METTL15: variants seen among roughly 807,000 people sequenced by gnomAD.
The protein encoded by METTL15 is methyltransferase 15, mitochondrial 12S rRNA N4-cytidine.
METTL15 carries 34 observed loss-of-function variants against 38.3 expected under a neutral mutation model. That is an observed-to-expected ratio of 0.89 (90% confidence interval 0.68 to 1.18). The LOEUF is 1.18. Ranked by LOEUF, METTL15 falls within the 50% of genes most tolerant of loss-of-function variation. The pLI, the probability that METTL15 is intolerant of heterozygous loss-of-function variation, is 0.00. For missense variants in METTL15, 438 were observed against 498.4 expected, an observed-to-expected ratio of 0.88 and a Z score of 1.15; for synonymous variants, 162 against 170.9, an observed-to-expected ratio of 0.95 and a Z score of 0.41.
downstream of METTL15, among the ~76,000 whole-genome samples, chr11:28,338,030 C>T (rs555552012): frequency 2.0e-5 from 3 of 151,992 alleles, no homozygotes; most frequent in South Asian, 6.2e-4. Flanking sequence ...TTCCTTTATC[C>T]CTACTTTTTA....
At chr11:28,488,992 C>A (rs1335180351) in intron 6 of METTL15, among the ~76,000 whole-genome samples, 1 of 152,144 alleles carries the variant, frequency 6.6e-6, no homozygotes, top group African/African-American at 2.4e-5. Flanking sequence ...ACCCTCTCTT[C>A]TTTTACCTTA....
At chr11:28,113,258 C>T in intron 2 of METTL15, 60 bp from the exon 3 acceptor site, 1 of 1,155,008 alleles carries the variant, frequency 8.7e-7, no homozygotes, top group Non-Finnish European at 1.2e-6. Flanking sequence ...TGATTTTCCC[C>T]AAGTATTAGA....
chr11:28,169,707 C>T lies in METTL15; in HGVS notation c.271-41355C>T, dbSNP rs374056351. Reference sequence around the variant, plus strand: ...TTGTGAAACCTTATTTAGATAACTACGTTAATCATAAATCTATGGCTATGT... The same window carrying T: ...TTGTGAAACCTTATTTAGATAACTATGTTAATCATAAATCTATGGCTATGT... On this transcript the variant is annotated intron_variant, in intron 3 of 6. Transcript: ENST00000407364. 9.1e-4 allele frequency among the ~76,000 whole-genome samples: 138 copies of T among 152,080 alleles called. 1 individual carries two copies. The South Asian group carries it at 0.027, about 30-fold the overall frequency.
At chr11:28,341,215 T>C (rs1849949081) in intron 3 of METTL15, among the ~76,000 whole-genome samples, 1 of 152,072 alleles carries the variant, frequency 6.6e-6, no homozygotes, top group African/African-American at 2.4e-5. Context: ...GAAATACCTA[T>C]TGTAGATGAC....
In METTL15 at chr11:28,330,350, T is replaced by C. The variant is rs768258722; in HGVS notation, c.779-46T>C. 1.4e-5 allele frequency: 20 copies of C among 1,427,768 alleles called. No homozygotes were observed. In the South Asian group the frequency reaches 2.9e-4, roughly 20 times the overall value. 88.4% of individuals were successfully genotyped at this position (1,427,768 alleles called of 1,614,324 possible). ...TCATTAGATTTACAGTGAAAAATATTAATGTTACCGGTCTTCTTTTCCTAT... is the reference window on the plus strand; with the variant it reads ...TCATTAGATTTACAGTGAAAAATATCAATGTTACCGGTCTTCTTTTCCTAT... On this transcript the variant is annotated intron_variant, in intron 6 of 6. Transcript: ENST00000407364.
intron 3 of METTL15, among the ~76,000 whole-genome samples, chr11:28,167,362 T>C (rs968407898): frequency 4.6e-5 from 7 of 152,144 alleles, no homozygotes; most frequent in African/African-American, 1.7e-4. Flanking sequence ...CAAGGAAAGC[T>C]CAGCAGTGGC....
intron 5 of METTL15, among the ~76,000 whole-genome samples, chr11:28,373,982 G>A (rs1294112687): frequency 6.6e-6 from 1 of 152,032 alleles, no homozygotes; most frequent in Admixed American, 6.6e-5. Flanking sequence ...TTGTAGTTAT[G>A]CGGCGTTATT....
chr11:28,466,744 C>G (rs559369252), intron 6 of METTL15, among the ~76,000 whole-genome samples: 1 of 152,124 alleles, frequency 6.6e-6, no homozygotes, highest in Non-Finnish European at 1.5e-5. Flanking sequence ...TCTGCTCTGC[C>G]GCAGGCTAGT....
At chr11:28,164,265 C>T (rs912251214) in intron 3 of METTL15, 1 of 152,012 alleles carries the variant, frequency 6.6e-6, no homozygotes, top group African/African-American at 2.4e-5. Context: ...GTGATGTTAT[C>T]ATAATGTGAT....
At chr11:28,445,051 GC>G (rs907555325) in intron 6 of METTL15, among the ~76,000 whole-genome samples, 1 of 152,030 alleles carries the variant, frequency 6.6e-6, no homozygotes, top group Non-Finnish European at 1.5e-5. Flanking sequence ...AAGCTGAGGG[GC>G]AGAACTGTGA....
intron 6 of METTL15, among the ~76,000 whole-genome samples, chr11:28,484,410 G>A (rs1345071955): frequency 6.6e-6 from 1 of 152,124 alleles, no homozygotes; most frequent in African/African-American, 2.4e-5. Context: ...GATGTCACCC[G>A]ATGAGTCCTG....
chr11:28,523,195 C>T (rs1294773527), intron 6 of METTL15, among the ~76,000 whole-genome samples: 1 of 152,210 alleles, frequency 6.6e-6, no homozygotes, highest in Non-Finnish European at 1.5e-5. Flanking sequence ...TATCATCAAA[C>T]CTATTCCCTT....
chr11:28,303,159 C>T (rs980157216), intron 6 of METTL15, among the ~76,000 whole-genome samples: 1 of 152,228 alleles, frequency 6.6e-6, no homozygotes, highest in East Asian at 1.9e-4. Flanking sequence ...TCTCCGGTTA[C>T]ATCAAGGAAA....
intron 5 of METTL15, among the ~76,000 whole-genome samples, chr11:28,296,398 G>A (rs997359451): frequency 3.9e-5 from 6 of 152,016 alleles, no homozygotes; most frequent in African/African-American, 1.5e-4. Context: ...AAACATTCAA[G>A]CAGTAATTTA....
intron 3 of METTL15, chr11:28,123,977 G>T: frequency 3.3e-6 from 3 of 909,126 alleles, no homozygotes; most frequent in Non-Finnish European, 3.0e-6. Flanking sequence ...AGTTGTATAA[G>T]ATTTTACTGT....
At chr11:28,390,080 T>TTTG (rs1850486527) in intron 5 of METTL15, among the ~76,000 whole-genome samples, 1 of 151,020 alleles carries the variant, frequency 6.6e-6, no homozygotes, top group African/African-American at 2.4e-5. Context: ...GATGGGGTTG[T>TTTG]TTTTTTCTTG....
intron 6 of METTL15, among the ~76,000 whole-genome samples, chr11:28,455,307 G>A (rs1465655160): frequency 2.1e-5 from 3 of 141,128 alleles, no homozygotes; most frequent in Non-Finnish European, 4.5e-5. Flanking sequence ...TTGGAAAGTA[G>A]CCACTTCATC....
At chr11:28,263,869 A>G (rs1295972787) in intron 4 of METTL15, among the ~76,000 whole-genome samples, 1 of 151,856 alleles carries the variant, frequency 6.6e-6, no homozygotes, top group Non-Finnish European at 1.5e-5. Context: ...TCTGTCATAT[A>G]TTGCCCTTTG....
chr11:28,449,187 A>C (rs1851098809), intron 6 of METTL15, among the ~76,000 whole-genome samples: 1 of 152,198 alleles, frequency 6.6e-6, no homozygotes, highest in Non-Finnish European at 1.5e-5. Context: ...GCAGTGCTAA[A>C]GTTTTGCATG....
Sources: gnomAD v4.1 joint callset for allele counts (sites outside exome capture counted in the v4.1 genomes callset) on GRCh38, gnomAD v4.1.1 for gene constraint, MANE v1.5 for transcripts, NCBI Gene and HGNC (gene_info 2026-07-23, HGNC 2026-07-21) for gene names.